The following WDFY1 variants were observed in gnomAD, a reference collection of about 807,000 sequenced individuals.
WDFY1 encodes the protein WD repeat and FYVE domain-containing protein 1.
In WDFY1, 32 loss-of-function variants were observed where a neutral mutation model predicts 56.4. The ratio of observed to expected loss-of-function variants is 0.57; its 90% CI spans 0.43 to 0.76. The LOEUF (loss-of-function observed/expected upper bound fraction) is 0.76. WDFY1 is among the 30% of genes least tolerant of loss of function. The pLI is 0.00. For synonymous variants in WDFY1, 192 were observed against 197.3 expected, an observed-to-expected ratio of 0.97 and a Z score of 0.23; for missense variants, 480 against 545.7, an observed-to-expected ratio of 0.88 and a Z score of 1.20.
chr2:223,891,891 T>C (rs1203188929), intron 8 of WDFY1, among the ~76,000 whole-genome samples: 1 of 152,230 alleles, frequency 6.6e-6, no homozygotes, highest in Admixed American at 6.5e-5. Context: ...CTTTTCTTGC[T>C]GCATATAACT....
rs201021204 is a variant in WDFY1, at chr2:223,934,081, C to CTT, written c.137+11065_137+11066dup. On this transcript the variant is annotated intron_variant, in intron 1 of 11. Transcript: ENST00000233055. ...TAAGGAATAGCAGCCTTTTTCTTTT[C>CTT]TTTTTTTTTTTTTTTTTTTTTTTGA... 9.5e-3 allele frequency among the ~76,000 whole-genome samples: 1,291 copies of CTT among 135,692 alleles called. 22 individuals are homozygous for CTT. The highest frequency in any genetic ancestry group is 0.033 in the African/African-American group (1,171 of 35,582). 89.0% of individuals were successfully genotyped at this position (135,692 alleles called of 152,430 possible).
In WDFY1 at chr2:223,903,905, TA is replaced by T. The variant is rs1693554554; in HGVS notation, c.334+2041del. ...AAGTGCTAGGATTACAGGTGGGAGC[TA>T]CCACAACTGTCCAGATGAAATAATT... is the stretch of plus-strand genomic sequence containing the variant. On this transcript the variant is annotated intron_variant, in intron 4 of 11. Transcript: ENST00000233055. 2.6e-5 allele frequency among the ~76,000 whole-genome samples: 4 copies of T among 152,202 alleles called. No individual in the cohort carries two copies. In the South Asian group the frequency reaches 8.3e-4, roughly 32 times the overall value.
At chr2:223,888,265 G>C (rs895691005) in intron 8 of WDFY1, among the ~76,000 whole-genome samples, 6 of 151,718 alleles carry the variant, frequency 4.0e-5, no homozygotes, top group Non-Finnish European at 5.9e-5. Flanking sequence ...GTACAAAGAG[G>C]GTTTCTCCAA....
chr2:223,912,222 A>C, intron 3 of WDFY1, 31 bp downstream of exon 3: 1 of 1,584,182 alleles, frequency 6.3e-7, no homozygotes, highest in Non-Finnish European at 8.6e-7. Flanking sequence ...AATATAAAGA[A>C]TACAATAAAT....
Position 223,945,175 on chromosome 2 carries a change from T to C in WDFY1, c.110A>G (p.Asp37Gly). The C allele has an allele frequency of 6.3e-7, 1 of 1,597,612 alleles. No individual in the cohort carries two copies. ...GTCCTCGCTGGCCGTGATCACGCCG[T>C]CCTCCTTGGGGATGAGCAGCGCGGC... is the stretch of plus-strand genomic sequence containing the variant. ...VTAALLIPKE[D>G]GVITASEDRT... Residue 37 changes from aspartate (D) to glycine (G), a missense_variant, in exon 1 of 12, where the codon GAC (aspartate) becomes GGC (glycine). Asp to Gly is a moderately conservative substitution (Grantham distance 94). Coordinates refer to ENST00000233055, the MANE Select transcript of WDFY1 (RefSeq NM_020830.5).
intron 3 of WDFY1, among the ~76,000 whole-genome samples, chr2:223,909,072 A>ACCTGCT (rs1287284710): frequency 1.3e-5 from 2 of 152,066 alleles, no homozygotes; most frequent in African/African-American, 4.8e-5. Flanking sequence ...AAAACCAGAA[A>ACCTGCT]CCTGCTCCTG....
At chr2:223,910,994 C>T (rs1196048900) in intron 3 of WDFY1, among the ~76,000 whole-genome samples, 1 of 151,990 alleles carries the variant, frequency 6.6e-6, no homozygotes, top group African/African-American at 2.4e-5. Flanking sequence ...TTGATAATAG[C>T]CAAAAAGTGA....
At chr2:223,930,922 C>A (rs1225570768) in intron 1 of WDFY1, among the ~76,000 whole-genome samples, 2 of 152,226 alleles carry the variant, frequency 1.3e-5, no homozygotes, top group Non-Finnish European at 2.9e-5. Context: ...ATGAGTGAGC[C>A]TGGCTGAGGC....
At chr2:223,891,030 G>A (rs1693265742) in intron 8 of WDFY1, among the ~76,000 whole-genome samples, 1 of 152,068 alleles carries the variant, frequency 6.6e-6, no homozygotes, top group Non-Finnish European at 1.5e-5. Flanking sequence ...AAGCATTGCA[G>A]AGCTAGAGGA....
intron 1 of WDFY1, among the ~76,000 whole-genome samples, chr2:223,935,861 A>C (rs1043968478): frequency 6.6e-6 from 1 of 152,140 alleles, no homozygotes; most frequent in African/African-American, 2.4e-5. Context: ...TAGGAGATGA[A>C]GGAGGGTCTG....
Position 223,933,976 on chromosome 2 carries a change from A to AAAAAAAAT in WDFY1, c.137+11171_137+11172insATTTTTTT, listed in dbSNP as rs1315864937. 1.5e-4 allele frequency among the ~76,000 whole-genome samples: 23 copies of AAAAAAAAT among 151,062 alleles called. 1 individual carries two copies. Among genetic ancestry groups the AAAAAAAAT allele is most frequent in the South Asian group, 8.4e-4 (4 of 4,788 alleles). The stretch of plus-strand genomic sequence containing the variant: ...GACCCTGCCTCAAAAAAAAAAAAAA[A>AAAAAAAAT]AAAAAGTCTCGAACCCTATCCATGG... On this transcript the variant is annotated intron_variant, in intron 1 of 11. Coordinates refer to ENST00000233055, the MANE Select transcript of WDFY1 (RefSeq NM_020830.5).
At chr2:223,882,696 T>C (rs1443059244) in intron 9 of WDFY1, among the ~76,000 whole-genome samples, 1 of 150,056 alleles carries the variant, frequency 6.7e-6, no homozygotes, top group Non-Finnish European at 1.5e-5. Flanking sequence ...AAAGAAAAAT[T>C]TATTCCTCCA....
intron 1 of WDFY1, among the ~76,000 whole-genome samples, chr2:223,932,411 G>T (rs937670818): frequency 6.6e-6 from 1 of 152,208 alleles, no homozygotes; most frequent in African/African-American, 2.4e-5. Flanking sequence ...CATGAGCCAT[G>T]GCGCCGGGTC....
Position 223,896,064 on chromosome 2 carries a change from G to A in WDFY1, c.599-434C>T, listed in dbSNP as rs1162394651. 2.7e-5 allele frequency among the ~76,000 whole-genome samples: 4 copies of A among 147,588 alleles called. No individual in the cohort carries two copies. In the East Asian group the frequency reaches 8.1e-4, roughly 30 times the overall value. On this transcript the variant is annotated intron_variant, in intron 6 of 11. Transcript: ENST00000233055. ...CCAGCTACTCGGGAGGCTAAGGTGGGAGAATTGCTTGAACCCAGGAGGTGG... is the reference window on the plus strand; with the variant it reads ...CCAGCTACTCGGGAGGCTAAGGTGGAAGAATTGCTTGAACCCAGGAGGTGG...
chr2:223,912,231 A>C (rs755790035), intron 3 of WDFY1, 22 bp downstream of exon 3: 12 of 1,594,254 alleles, frequency 7.5e-6, no homozygotes. Context: ...AATACAATAA[A>C]TACATTCTAA....
At chr2:223,886,224 A>G (rs1414813453) in intron 8 of WDFY1, among the ~76,000 whole-genome samples, 6 of 152,036 alleles carry the variant, frequency 3.9e-5, no homozygotes, top group Non-Finnish European at 8.8e-5. Flanking sequence ...CTGTAATCCC[A>G]GCTACTTGGG....
At chr2:223,929,628 T>C (rs756645771) in intron 1 of WDFY1, among the ~76,000 whole-genome samples, 5 of 152,120 alleles carry the variant, frequency 3.3e-5, no homozygotes, top group Non-Finnish European at 7.4e-5. Flanking sequence ...TGAACTTCCC[T>C]CTACCACCTT....
intron 8 of WDFY1, among the ~76,000 whole-genome samples, chr2:223,891,136 G>C (rs765802853): frequency 1.3e-5 from 2 of 152,102 alleles, no homozygotes; most frequent in Non-Finnish European, 2.9e-5. Flanking sequence ...AGCACTTTGG[G>C]AAGCTGAGGC....
At chr2:223,898,027 T>C (rs1004199013) in intron 6 of WDFY1, among the ~76,000 whole-genome samples, 2 of 152,210 alleles carry the variant, frequency 1.3e-5, no homozygotes, top group Non-Finnish European at 2.9e-5. Context: ...GTCTTAGATA[T>C]TTCTTTACTG....
Sources: gnomAD v4.1 joint callset for allele counts (sites outside exome capture counted in the v4.1 genomes callset) on GRCh38, gnomAD v4.1.1 for gene constraint, MANE v1.5 for transcripts, NCBI Gene and HGNC (gene_info 2026-07-23, HGNC 2026-07-21) for gene names.